The following IRAG2 variants were observed in gnomAD, a reference collection of about 807,000 sequenced individuals.
IRAG2 encodes the protein lymphoid restricted membrane protein.
A neutral mutation model predicts 69.9 loss-of-function variants in IRAG2; 45 were observed. That is an observed-to-expected ratio of 0.64 (90% CI 0.51 to 0.83). IRAG2 has a LOEUF of 0.83. Among genes scored for constraint, IRAG2 ranks in the 40% least tolerant of loss-of-function variants. The pLI is 0.00. For synonymous variants in IRAG2, 193 were observed against 202.4 expected (o/e 0.95, Z 0.40); for missense variants, 520 against 587.0 (o/e 0.89, Z 1.18).
intron 3 of IRAG2, among the ~76,000 whole-genome samples, chr12:25,012,056 G>C (rs942992384): frequency 6.6e-6 from 1 of 150,978 alleles, no homozygotes; most frequent in African/African-American, 2.4e-5. Flanking sequence ...AAAAGAAAAA[G>C]GTAAAGGAGG....
chr12:25,087,489 C>T (rs1947708698), intron 10 of IRAG2, among the ~76,000 whole-genome samples: 1 of 152,044 alleles, frequency 6.6e-6, no homozygotes, highest in Non-Finnish European at 1.5e-5. Flanking sequence ...ATTAAGAGCA[C>T]TTGTTTATCT....
At chr12:25,104,866 T>C (rs902666481) in intron 20 of IRAG2, among the ~76,000 whole-genome samples, 1 of 146,218 alleles carries the variant, frequency 6.8e-6, no homozygotes, top group Non-Finnish European at 1.5e-5. Flanking sequence ...ATATGTAACA[T>C]GTATGTACAT....
intron 6 of IRAG2, among the ~76,000 whole-genome samples, chr12:25,019,732 G>A: frequency 6.6e-6 from 1 of 151,276 alleles, no homozygotes; most frequent in Non-Finnish European, 1.5e-5. Context: ...GTTTGAGGGT[G>A]GAACCCTTGC....
chr12:25,104,737 G>A (rs1296776390), intron 20 of IRAG2, among the ~76,000 whole-genome samples: 1 of 152,026 alleles, frequency 6.6e-6, no homozygotes, highest in African/African-American at 2.4e-5. Context: ...TTCCTGTCCA[G>A]GTGTCTGTCT....
At chr12:25,098,449 G>A (rs541129983) in intron 15 of IRAG2, among the ~76,000 whole-genome samples, 1 of 152,116 alleles carries the variant, frequency 6.6e-6, no homozygotes, top group African/African-American at 2.4e-5. Flanking sequence ...GCCTCCCAGC[G>A]TGTGAATCCT....
At chr12:25,026,476 A>G (rs1263083096) in intron 8 of IRAG2, among the ~76,000 whole-genome samples, 1 of 152,186 alleles carries the variant, frequency 6.6e-6, no homozygotes, top group African/African-American at 2.4e-5. Context: ...AAGGATAATG[A>G]AAAGGTGGTC....
At chr12:25,080,542 C>T (rs954210469) in intron 9 of IRAG2, among the ~76,000 whole-genome samples, 4 of 151,862 alleles carry the variant, frequency 2.6e-5, no homozygotes, top group African/African-American at 4.8e-5. Flanking sequence ...TTAGTAGAGA[C>T]GGAGTTTCAC....
At chr12:25,094,530 A>G (rs772239371) in intron 14 of IRAG2, among the ~76,000 whole-genome samples, 9 of 152,002 alleles carry the variant, frequency 5.9e-5, no homozygotes, top group Non-Finnish European at 1.3e-4. Flanking sequence ...TACTTTTTCA[A>G]AAGTGTTTTG....
intron 2 of IRAG2, among the ~76,000 whole-genome samples, chr12:25,007,379 G>C (rs1944440962): frequency 6.6e-6 from 1 of 152,154 alleles, no homozygotes; most frequent in African/African-American, 2.4e-5. Flanking sequence ...TTGTGTGATA[G>C]ATACATATCC....
intron 7 of IRAG2, chr12:25,021,189 C>T (rs1591927493): frequency 1.5e-5 from 3 of 201,642 alleles, no homozygotes; most frequent in East Asian, 1.0e-4. Context: ...ACTCCAGCCT[C>T]GACCTCCCAG....
intron 16 of IRAG2, among the ~76,000 whole-genome samples, chr12:25,101,642 C>G (rs10505959): frequency 6.6e-6 from 1 of 151,994 alleles, no homozygotes; most frequent in Non-Finnish European, 1.5e-5. Context: ...TTTCTCCACA[C>G]GTAAAAAGTA....
At chr12:25,003,983 G>T (rs1944411885), upstream of IRAG2, among the ~76,000 whole-genome samples, 1 of 152,162 alleles carries the variant, frequency 6.6e-6, no homozygotes, top group Non-Finnish European at 1.5e-5. Flanking sequence ...GCATTTATTG[G>T]GGTGTGTTGC....
intron 1 of IRAG2, among the ~76,000 whole-genome samples, chr12:25,056,712 G>T (rs1945278457): frequency 6.6e-6 from 1 of 152,156 alleles, no homozygotes; most frequent in Non-Finnish European, 1.5e-5. Context: ...TGGTTATATA[G>T]TATAGAAATT....
At chr12:25,077,445 T>C (rs115016771) in intron 6 of IRAG2, among the ~76,000 whole-genome samples, 2,971 of 135,148 alleles carry the variant, frequency 0.022, 102 homozygotes, top group African/African-American at 0.078. Flanking sequence ...AAATTACTAA[T>C]ATAATTTATT....
intron 7 of IRAG2, among the ~76,000 whole-genome samples, chr12:25,022,041 C>T (rs896842878): frequency 2.0e-5 from 3 of 152,192 alleles, no homozygotes; most frequent in Admixed American, 6.5e-5. Flanking sequence ...GCTCCGGCTC[C>T]AAGGGCTGTG....
chr12:25,007,712 G>T (rs552442890), intron 2 of IRAG2, among the ~76,000 whole-genome samples: 4 of 152,244 alleles, frequency 2.6e-5, no homozygotes, highest in African/African-American at 9.6e-5. Flanking sequence ...AGTAGAAATG[G>T]GGTTTCACCA....
rs1947944026 is a variant in IRAG2, at chr12:25,090,215, T to C, written c.606+18T>C. ...TATTAGAGGTGAGAATCAGAACATT[T>C]GGGATATAAACATTTGGTCTAGCCA... On this transcript the variant is annotated intron_variant, in intron 14 of 21. Coordinates refer to ENST00000556887, the MANE Select transcript of IRAG2 (RefSeq NM_001366544.2). The C allele has an allele frequency of 3.1e-6, 5 of 1,611,060 alleles. No homozygotes were observed. The highest frequency in any genetic ancestry group is 4.2e-6 in the Non-Finnish European group (5 of 1,178,172).
intron 9 of IRAG2, among the ~76,000 whole-genome samples, chr12:25,082,700 C>T (rs1006790772): frequency 3.3e-5 from 5 of 152,020 alleles, no homozygotes; most frequent in Admixed American, 6.6e-5. Flanking sequence ...GAAGAAATTG[C>T]TTACCATTTT....
exon 1 of IRAG2, chr12:25,004,605 G>T: frequency 8.1e-7 from 1 of 1,231,968 alleles, no homozygotes; most frequent in South Asian, 4.1e-5. Flanking sequence ...TCATTTCATC[G>T]CCTCAAATAA....
Sources: gnomAD v4.1 joint callset for allele counts (sites outside exome capture counted in the v4.1 genomes callset) on GRCh38, gnomAD v4.1.1 for gene constraint, MANE v1.5 for transcripts, NCBI Gene and HGNC (gene_info 2026-07-23, HGNC 2026-07-21) for gene names.